Variants in NLGN1 observed in about 807,000 individuals in gnomAD.
NLGN1 encodes neuroligin-1.
A neutral mutation model predicts 65.5 loss-of-function variants in NLGN1; 12 were observed. That is an observed-to-expected ratio of 0.18 (90% confidence interval 0.12 to 0.30). NLGN1 has a LOEUF of 0.30. Ranked by LOEUF, NLGN1 falls within the 10% of genes least tolerant of loss-of-function variation. The probability of loss-of-function intolerance (pLI) is 1.00; values close to 1 mark genes in which losing one functional copy is unlikely to be tolerated. For missense variants in NLGN1, 750 were observed against 1,007.1 expected (o/e 0.74, Z 3.46); for synonymous variants, 350 against 359.5 (o/e 0.97, Z 0.30).
chr3:173,566,770 C>T (rs1468957090), intron 2 of NLGN1, among the ~76,000 whole-genome samples: 1 of 152,104 alleles, frequency 6.6e-6, no homozygotes, highest in East Asian at 1.9e-4. Context: ...TTTAAAAATG[C>T]CCTGTATATT....
At chr3:174,155,933 T>C (rs1024049976) in intron 4 of NLGN1, among the ~76,000 whole-genome samples, 4 of 152,008 alleles carry the variant, frequency 2.6e-5, no homozygotes, top group Non-Finnish European at 5.9e-5. Context: ...CAAGTGTTTC[T>C]GTCTTCATTT....
At chr3:173,498,212 A>C in intron 2 of NLGN1, among the ~76,000 whole-genome samples, 16 of 142,694 alleles carry the variant, frequency 1.1e-4, no homozygotes, top group Middle Eastern at 3.6e-3. Context: ...CACTCCCCCC[A>C]CCCCACAACA....
chr3:173,520,310 T>A (rs1734546442), intron 2 of NLGN1, among the ~76,000 whole-genome samples: 1 of 152,226 alleles, frequency 6.6e-6, no homozygotes, highest in African/African-American at 2.4e-5. Flanking sequence ...TGGATTCTAT[T>A]TGTACTTAGT....
intron 4 of NLGN1, among the ~76,000 whole-genome samples, chr3:174,109,024 C>A (rs1477963995): frequency 1.3e-5 from 2 of 151,828 alleles, no homozygotes; most frequent in African/African-American, 4.8e-5. Context: ...GCAAAAACTG[C>A]CCTATAAATT....
intron 3 of NLGN1, among the ~76,000 whole-genome samples, chr3:173,791,745 C>T (rs1313180385): frequency 1.3e-5 from 2 of 152,040 alleles, no homozygotes; most frequent in African/African-American, 4.8e-5. Context: ...TGCTATGTGA[C>T]TTATTGTATA....
chr3:173,564,722 A>G (rs1257964267), intron 2 of NLGN1, among the ~76,000 whole-genome samples: 1 of 152,250 alleles, frequency 6.6e-6, no homozygotes, highest in Non-Finnish European at 1.5e-5. Context: ...TGTTGCAAAC[A>G]CAAGAAGTCA....
At chr3:174,292,822 G>T in the NLGN1 span, among the ~76,000 whole-genome samples, 1 of 151,362 alleles carries the variant, frequency 6.6e-6, no homozygotes, top group Non-Finnish European at 1.5e-5. Flanking sequence ...CTGGATAGAT[G>T]TACACAAGAT....
chr3:173,551,432 AAAT>A (rs759857158), intron 2 of NLGN1, among the ~76,000 whole-genome samples: 41 of 152,326 alleles, frequency 2.7e-4, no homozygotes, highest in Non-Finnish European at 5.1e-4. Context: ...TGTGAGCTTT[AAAT>A]AGCTTAAAAG....
At chr3:173,913,683 A>C (rs2152233481) in intron 4 of NLGN1, among the ~76,000 whole-genome samples, 1 of 152,250 alleles carries the variant, frequency 6.6e-6, no homozygotes, top group Admixed American at 6.5e-5. Context: ...TTCATGCAAA[A>C]AGTATGTCGA....
intron 2 of NLGN1, among the ~76,000 whole-genome samples, chr3:173,472,848 C>G (rs981873881): frequency 3.9e-4 from 60 of 152,174 alleles, no homozygotes; most frequent in African/African-American, 1.4e-3. Context: ...TGACTCAACC[C>G]TGAGTGTTTG....
chr3:173,402,246 A>T (rs950890967), intron 1 of NLGN1, among the ~76,000 whole-genome samples: 1 of 152,184 alleles, frequency 6.6e-6, no homozygotes, highest in Non-Finnish European at 1.5e-5. Flanking sequence ...ACCTACCAAT[A>T]AGTACTCTTG....
chr3:173,881,871 A>G (rs1048886013), intron 4 of NLGN1, among the ~76,000 whole-genome samples: 2 of 152,194 alleles, frequency 1.3e-5, no homozygotes, highest in African/African-American at 4.8e-5. Flanking sequence ...TTAATGGCAT[A>G]TAGAATGGTA....
At chr3:174,117,994 G>A (rs892059379) in intron 4 of NLGN1, among the ~76,000 whole-genome samples, 8 of 151,164 alleles carry the variant, frequency 5.3e-5, no homozygotes, top group African/African-American at 2.0e-4. Context: ...TGCTCACCAG[G>A]AGTTTGTTTT....
At chr3:173,774,531 C>T (rs896078814) in intron 3 of NLGN1, among the ~76,000 whole-genome samples, 3 of 152,144 alleles carry the variant, frequency 2.0e-5, no homozygotes, top group African/African-American at 4.8e-5. Flanking sequence ...CAACCACTCC[C>T]TGCTATCATA....
At position 173,426,420 on chromosome 3, in the gene NLGN1, A is replaced by G. The variant is rs368582205; in HGVS notation, c.-389-8590A>G. Among the ~76,000 whole-genome samples the G allele has an allele frequency of 3.4e-4, 51 of 152,184 alleles. 1 individual carries two copies. The highest frequency in any genetic ancestry group is 1.2e-3 in the African/African-American group (49 of 41,570). The stretch of plus-strand genomic sequence containing the variant: ...TCTTTTTCGTTTTCCAAATTTGACA[A>G]TAAAGTTTTTCAAATTTTCCCCATT... On this transcript the variant is annotated intron_variant, in intron 1 of 6. Coordinates refer to ENST00000457714, the Ensembl canonical transcript of NLGN1.
intron 4 of NLGN1, among the ~76,000 whole-genome samples, chr3:174,190,047 C>G (rs1453722999): frequency 6.6e-6 from 1 of 152,014 alleles, no homozygotes; most frequent in Non-Finnish European, 1.5e-5. Context: ...AACATGATAT[C>G]ACTTAGGACA....
At chr3:173,779,124 C>A (rs375164039) in intron 3 of NLGN1, among the ~76,000 whole-genome samples, 1 of 151,660 alleles carries the variant, frequency 6.6e-6, no homozygotes, top group South Asian at 2.1e-4. Flanking sequence ...TAAATAGTTG[C>A]TTTGCAGAAA....
At chr3:173,757,076 A>G (rs1044560461) in intron 3 of NLGN1, among the ~76,000 whole-genome samples, 6 of 152,010 alleles carry the variant, frequency 3.9e-5, no homozygotes, top group Non-Finnish European at 4.4e-5. Context: ...GATGAAACCA[A>G]TATCTTCGTT....
rs919045193 is a variant in NLGN1, at chr3:173,503,361, C to G, written c.-321+68283C>G. Among the ~76,000 whole-genome samples the G allele has an allele frequency of 2.6e-5, 4 of 152,098 alleles. 1 individual carries two copies. Among genetic ancestry groups the G allele is most frequent in the African/African-American group, 9.6e-5 (4 of 41,518 alleles). On this transcript the variant is annotated intron_variant, in intron 2 of 6. Transcript: ENST00000457714. ...GGGCTCAGCAGCATGTTCTAAATCC[C>G]TTGGGTGTTTTATAGTTGCATTTTC...
Sources: allele counts gnomAD v4.1 joint callset (sites outside exome capture counted in the v4.1 genomes callset), GRCh38; gene constraint gnomAD v4.1.1; transcripts MANE v1.5; gene names NCBI Gene and HGNC (gene_info 2026-07-23, HGNC 2026-07-21).